PC: variants seen among roughly 807,000 people sequenced by gnomAD.
PC encodes the protein pyruvate carboxylase, mitochondrial.
Under a neutral mutation model 107.8 loss-of-function variants are expected in PC, and 46 were observed. The ratio of observed to expected loss-of-function variants is 0.43; its 90% CI spans 0.34 to 0.55. The LOEUF (loss-of-function observed/expected upper bound fraction) is 0.55, where lower values mean the gene tolerates loss of function less well. Ranked by LOEUF, PC falls within the 20% of genes least tolerant of loss-of-function variation. PC has a pLI of 0.04. For synonymous variants in PC, 662 were observed against 684.7 expected, an observed-to-expected ratio of 0.97 and a Z score of 0.52; for missense variants, 1,241 against 1,643.1, an observed-to-expected ratio of 0.76 and a Z score of 4.23.
intron 3 of PC, among the ~76,000 whole-genome samples, chr11:66,879,009 A>G (rs1187520579): frequency 6.6e-6 from 1 of 152,174 alleles, no homozygotes; most frequent in African/African-American, 2.4e-5. Context: ...CGACTGAGAC[A>G]GTACAGCTAA....
chr11:66,915,252 G>A (rs954328082), intron 3 of PC, among the ~76,000 whole-genome samples: 5 of 152,170 alleles, frequency 3.3e-5, no homozygotes, highest in African/African-American at 1.2e-4. Flanking sequence ...CCCATGTTCT[G>A]CCAAGCTCCA....
chr11:66,863,479 G>A (rs1050653987), intron 12 of PC, among the ~76,000 whole-genome samples: 1 of 152,212 alleles, frequency 6.6e-6, no homozygotes, highest in Non-Finnish European at 1.5e-5. Context: ...CCCCAGAGGG[G>A]CGGGACACAG....
intron 3 of PC, among the ~76,000 whole-genome samples, chr11:66,947,866 G>C (rs1949337427): frequency 6.6e-6 from 1 of 151,334 alleles, no homozygotes; most frequent in Non-Finnish European, 1.5e-5. Context: ...GGGAGGCTAA[G>C]GCAGAAGAAT....
chr11:66,938,689 T>C lies in PC; in HGVS notation c.-1+13741A>G, dbSNP rs148470523. On this transcript the variant is annotated intron_variant, in intron 3 of 22. Coordinates refer to ENST00000393960, the MANE Select transcript of PC (RefSeq NM_001040716.2). ...CATTCCAAAATAACAAAAAATGAGATATTATACATTCTGTTTTATAATATA... is the reference window on the plus strand; with the variant it reads ...CATTCCAAAATAACAAAAAATGAGACATTATACATTCTGTTTTATAATATA... Among the ~76,000 whole-genome samples, 70 of 152,278 alleles carry C rather than the reference T, an allele frequency of 4.6e-4. 2 individuals are homozygous for C. The East Asian group carries it at 0.013, about 28-fold the overall frequency.
In PC at chr11:66,907,442, G is replaced by A. The variant is rs1271146485; in HGVS notation, c.1-35283C>T. ...CTCGGGAGGCTGAGGCAGAAGAATC[G>A]CTTGAACCCGGGAGGCAGGGGTTGC... On this transcript the variant is annotated intron_variant, in intron 3 of 22. Transcript: ENST00000393960. Among the ~76,000 whole-genome samples, 7 of 152,148 alleles carry A rather than the reference G, an allele frequency of 4.6e-5. No homozygotes were observed. The South Asian group carries it at 1.0e-3, about 23-fold the overall frequency.
chr11:66,871,985 G>A lies in PC; in HGVS notation c.136+39C>T, dbSNP rs367950108. On this transcript the variant is annotated intron_variant, in intron 4 of 22. Coordinates refer to ENST00000393960, the MANE Select transcript of PC (RefSeq NM_001040716.2). This position sits in a 1 kb window ranked among gnomAD's most constrained non-coding sequence, Gnocchi z 7.4. ...GGGAGAAGAATGCCAAGGCTGGGGC[G>A]GCCATGAGGCTCCTCTCACCGGCCC... The A allele has an allele frequency of 8.7e-5, 136 of 1,557,466 alleles. No individual in the cohort carries two copies. The highest frequency in any genetic ancestry group is 1.1e-4 in the Non-Finnish European group (127 of 1,150,708).
chr11:66,871,362 C>A lies in PC; in HGVS notation c.440G>T (p.Arg147Leu), dbSNP rs748987495. The change falls in exon 6 of 23, where the codon CGC becomes CTC. Residue 147 changes from arginine (R) to leucine (L), a missense_variant. Around this residue, in one of 2 missense-constraint regions of PC, gnomAD observed 1,143 missense variants for 1,551.9 expected, o/e 0.74. Coordinates refer to ENST00000393960, the MANE Select transcript of PC (RefSeq NM_001040716.2). This position sits in a 1 kb window ranked among gnomAD's most constrained non-coding sequence, Gnocchi z 7.4. ...RFIGPSPEVV[R>L]KMGDKVEARA... is the part of the protein sequence containing the mutation. ...GGCCTCCACCTTGTCTCCCATCTTGCGGACCACTTCTGGGCTTGGCCCAAT... is the reference window on the plus strand; with the variant it reads ...GGCCTCCACCTTGTCTCCCATCTTGAGGACCACTTCTGGGCTTGGCCCAAT... 1.2e-6 allele frequency: 2 copies of A among 1,613,890 alleles called. No homozygotes were observed. The highest frequency in any genetic ancestry group is 2.2e-5 in the South Asian group (2 of 91,090).
At position 66,871,943 on chromosome 11, in the gene PC, G is replaced by A; in HGVS notation, c.137-72C>T. 6.4e-7 allele frequency: 1 copy of A among 1,572,406 alleles called. No homozygotes were observed. The highest frequency in any genetic ancestry group is 8.6e-7 in the Non-Finnish European group (1 of 1,159,660). ...AGCAGAAAGGGGAGTGGGAAGCCAG[G>A]GCCTGGGGCAGTGAGTGGGAGAAGA... On this transcript the variant is annotated intron_variant, in intron 4 of 22. Transcript: ENST00000393960. This position sits in a 1 kb window ranked among gnomAD's most constrained non-coding sequence, Gnocchi z 7.4.
At chr11:66,859,723 C>T (rs540304157) in intron 12 of PC, 109 of 1,611,266 alleles carry the variant, frequency 6.8e-5, no homozygotes, top group Non-Finnish European at 8.4e-5. Context: ...GCCTTGTCAC[C>T]GGCCGCTGGG....
In PC at chr11:66,850,257, T is replaced by A. The variant is rs750546698; in HGVS notation, c.2681A>T (p.Tyr894Phe). 2 of 1,614,088 alleles carry A rather than the reference T, an allele frequency of 1.2e-6. No individual in the cohort carries two copies. Among genetic ancestry groups the A allele is most frequent in the African/African-American group, 1.3e-5 (1 of 75,046 alleles). ...GSKFKEVKKA[Y>F]VEANQMLGDL... ...GCCCAGCATCTGGTTGGCCTCCACATAGGCCTTCTTGACCTCCTTGAACTT... is the reference window on the plus strand; with the variant it reads ...GCCCAGCATCTGGTTGGCCTCCACAAAGGCCTTCTTGACCTCCTTGAACTT... The change falls in exon 19 of 23, where the codon TAT (tyrosine) becomes TTT (phenylalanine). Residue 894 changes from tyrosine to phenylalanine, a missense_variant. By Grantham distance (22) the Tyr-to-Phe change is conservative. Around this residue, in one of 2 missense-constraint regions of PC, gnomAD observed 1,143 missense variants for 1,551.9 expected, o/e 0.74. Coordinates refer to ENST00000393960, the MANE Select transcript of PC (RefSeq NM_001040716.2).
intron 3 of PC, among the ~76,000 whole-genome samples, chr11:66,889,781 C>T (rs557707717): frequency 1.6e-4 from 25 of 152,120 alleles, no homozygotes; most frequent in Non-Finnish European, 2.5e-4. Flanking sequence ...AATACCATTC[C>T]GGGTCCTTTT....
At chr11:66,934,025 C>T (rs931971517) in intron 3 of PC, among the ~76,000 whole-genome samples, 1 of 152,178 alleles carries the variant, frequency 6.6e-6, no homozygotes, top group Admixed American at 6.5e-5. Context: ...GGCACAACCT[C>T]CACCCTTGCC....
chr11:66,852,656 C>T lies in PC; in HGVS notation c.1608G>A (p.Pro536=), dbSNP rs139074169. 892 of 1,613,506 alleles carry T rather than the reference C, an allele frequency of 5.5e-4. 4 individuals are homozygous for T. The African/African-American group carries it at 8.3e-3, about 15-fold the overall frequency. ...DPVVPAVPIG[P]PPAGFRDILL... ...GGATGTCTCTGAAACCAGCCGGGGGCGGGCCTAGGGTAGACAGGGGCATTG... is the reference window on the plus strand; with the variant it reads ...GGATGTCTCTGAAACCAGCCGGGGGTGGGCCTAGGGTAGACAGGGGCATTG... The change falls in exon 15 of 23, where the codon CCG becomes CCA. Residue 536 remains proline (P), a synonymous_variant. Transcript: ENST00000393960. This position sits in a 1 kb window ranked among gnomAD's most constrained non-coding sequence, Gnocchi z 4.7.
At chr11:66,869,856 G>A (rs1056005453) in intron 9 of PC, among the ~76,000 whole-genome samples, 15 of 152,242 alleles carry the variant, frequency 9.9e-5, no homozygotes, top group African/African-American at 3.6e-4. Flanking sequence ...GCAGAGATGG[G>A]CAGAGGGTGC....
At chr11:66,899,198 C>A (rs1053760674) in intron 3 of PC, among the ~76,000 whole-genome samples, 6 of 151,998 alleles carry the variant, frequency 3.9e-5, no homozygotes, top group African/African-American at 7.2e-5. Context: ...TCAACAGAAT[C>A]ATAAATTATG....
chr11:66,925,872 A>G (rs1056891285), intron 3 of PC, among the ~76,000 whole-genome samples: 4 of 152,042 alleles, frequency 2.6e-5, no homozygotes, highest in African/African-American at 4.8e-5. Context: ...CCATGGCTTC[A>G]GCGGGTCCCT....
At chr11:66,924,628 A>G (rs1193357894) in intron 3 of PC, among the ~76,000 whole-genome samples, 1 of 151,986 alleles carries the variant, frequency 6.6e-6, no homozygotes, top group Non-Finnish European at 1.5e-5. Context: ...TTTCTTATAG[A>G]TACAAAAAAT....
chr11:66,857,780 T>C lies in PC; in HGVS notation c.1369-4397A>G. The C allele has an allele frequency of 1.3e-6, 2 of 1,595,924 alleles. No individual in the cohort carries two copies. Among genetic ancestry groups the C allele is most frequent in the Non-Finnish European group, 1.7e-6 (2 of 1,177,744 alleles). ...CGCTCCTGCTGCTGCTGCTGGCCAG[T>C]GGAGCGGCCGCCTGCCCGCTGCCCT... On this transcript the variant is annotated intron_variant, in intron 12 of 22. Coordinates refer to ENST00000393960, the MANE Select transcript of PC (RefSeq NM_001040716.2). The surrounding 1 kb of genome is among the most constrained non-coding windows in gnomAD (Gnocchi z 7.1).
At chr11:66,947,151 A>G (rs1401476414) in intron 3 of PC, among the ~76,000 whole-genome samples, 1 of 152,162 alleles carries the variant, frequency 6.6e-6, no homozygotes, top group Non-Finnish European at 1.5e-5. Context: ...TACCCAAGAG[A>G]AAAGGAAATA....
Sources: allele counts gnomAD v4.1 joint callset (sites outside exome capture counted in the v4.1 genomes callset), GRCh38; gene constraint gnomAD v4.1.1; regional missense constraint gnomAD v4.1.1; non-coding constraint Gnocchi (gnomAD v3.1); transcripts MANE v1.5; gene names NCBI Gene and HGNC (gene_info 2026-07-23, HGNC 2026-07-21).